HERC1: variants seen among roughly 807,000 people sequenced by gnomAD.
HERC1 encodes the protein HECT and RLD domain containing E3 ubiquitin protein ligase family member 1, also known as probable E3 ubiquitin-protein ligase HERC1.
HERC1 carries 160 observed loss-of-function variants against 554.3 expected under a neutral mutation model. The ratio of observed to expected loss-of-function variants is 0.29; its 90% CI spans 0.25 to 0.33. The LOEUF (loss-of-function observed/expected upper bound fraction) is 0.33. HERC1 is among the 10% of genes least tolerant of loss of function. The pLI, the probability that HERC1 is intolerant of heterozygous loss-of-function variation, is 1.00. For synonymous variants in HERC1, 2,175 were observed against 2,131.7 expected (o/e 1.02, Z -0.56); for missense variants, 4,919 against 5,918.5 (o/e 0.83, Z 5.54).
At chr15:63,824,946 G>A (rs922546151) in intron 1 of HERC1, among the ~76,000 whole-genome samples, 5 of 151,986 alleles carry the variant, frequency 3.3e-5, no homozygotes, top group African/African-American at 1.2e-4. Flanking sequence ...TAGGAGAGTA[G>A]GGGAGATGCA....
At chr15:63,800,689 T>C (rs1027355739) in intron 1 of HERC1, among the ~76,000 whole-genome samples, 2 of 152,248 alleles carry the variant, frequency 1.3e-5, no homozygotes, top group African/African-American at 2.4e-5. Context: ...ATATAATTTG[T>C]GCGATTTGTT....
At chr15:63,674,045 C>T (rs1468770226) in intron 38 of HERC1, among the ~76,000 whole-genome samples, 1 of 152,048 alleles carries the variant, frequency 6.6e-6, no homozygotes, top group East Asian at 1.9e-4. Context: ...TATTTTGAGT[C>T]AGATCAATAA....
At position 63,712,829 on chromosome 15, in the gene HERC1, C is replaced by G. The variant is rs371768176; in HGVS notation, c.4530G>C (p.Ser1510=). 4 of 1,613,590 alleles carry G rather than the reference C, an allele frequency of 2.5e-6. No individual in the cohort carries two copies. The highest frequency in any genetic ancestry group is 3.4e-6 in the Non-Finnish European group (4 of 1,179,648). Residue 1510 remains serine, a synonymous_variant, in exon 24 of 78, where the codon TCG becomes TCC. Coordinates refer to ENST00000443617, the MANE Select transcript of HERC1 (RefSeq NM_003922.4). ...HTSPNYRLIK[S]RSESDLSQPE... is the part of the protein sequence containing the mutation. ...GCTGAGACAAATCAGATTCACTCCTCGATTTGATCAGTCTATAATTTGGGC... is the reference window on the plus strand; with the variant it reads ...GCTGAGACAAATCAGATTCACTCCTGGATTTGATCAGTCTATAATTTGGGC...
rs143131927 is a variant in HERC1 at position 63,830,242 on chromosome 15, C to T, written c.-27+3585G>A. Among the ~76,000 whole-genome samples the T allele has an allele frequency of 9.3e-4, 141 of 152,278 alleles. 1 individual carries two copies. Among genetic ancestry groups the T allele is most frequent in the African/African-American group, 3.3e-3 (136 of 41,552 alleles). On this transcript the variant is annotated intron_variant, in intron 1 of 77. Coordinates refer to ENST00000443617, the MANE Select transcript of HERC1 (RefSeq NM_003922.4). ...CTAAGGGTTCAAAGTTAAAATACCA[C>T]TAGCAAAAAGACATGTCAACACCAT...
At chr15:63,701,999 T>A (rs1015179443) in intron 25 of HERC1, among the ~76,000 whole-genome samples, 2 of 152,114 alleles carry the variant, frequency 1.3e-5, no homozygotes, top group African/African-American at 4.8e-5. Flanking sequence ...CAACAAAAAA[T>A]TTTTGAGATT....
intron 14 of HERC1, among the ~76,000 whole-genome samples, chr15:63,730,262 A>G (rs2074234407): frequency 6.6e-6 from 1 of 151,766 alleles, no homozygotes; most frequent in African/African-American, 2.4e-5. Flanking sequence ...CAAGACCAGC[A>G]TGGGCAACAC....
At chr15:63,682,022 G>C (rs1390069586) in intron 34 of HERC1, among the ~76,000 whole-genome samples, 1 of 152,156 alleles carries the variant, frequency 6.6e-6, no homozygotes, top group East Asian at 1.9e-4. Context: ...GGGTGGTCTT[G>C]GGGACTCATG....
At chr15:63,637,770 A>T in intron 63 of HERC1, 127 bp from the exon 64 acceptor site, 2 of 595,766 alleles carry the variant, frequency 3.4e-6, no homozygotes, top group Non-Finnish European at 5.5e-6. Flanking sequence ...ACTGAAAGGG[A>T]AGAGTTGATA....
At chr15:63,789,091 T>G (rs1213781874) in intron 1 of HERC1, among the ~76,000 whole-genome samples, 12 of 118,830 alleles carry the variant, frequency 1.0e-4, no homozygotes, top group East Asian at 5.1e-4. Context: ...TTTTTTTTTT[T>G]TTTTTTTTTT....
At chr15:63,609,437 C>T (rs796802505) in intron 77 of HERC1, among the ~76,000 whole-genome samples, 171 bp from the exon 78 acceptor site, 68 of 152,342 alleles carry the variant, frequency 4.5e-4, no homozygotes, top group African/African-American at 1.4e-3. Flanking sequence ...CCTACTGCCC[C>T]GTGGCCCTCG....
At position 63,733,044 on chromosome 15, in the gene HERC1, A is replaced by G. The variant is rs755954554; in HGVS notation, c.2748T>C (p.Ser916=). The G allele has an allele frequency of 9.3e-6, 15 of 1,613,902 alleles. No individual in the cohort carries two copies. The South Asian group carries it at 1.5e-4, about 17-fold the overall frequency. Residue 916 remains serine (S), a synonymous_variant, in exon 14 of 78, where the codon TCT becomes TCC. Coordinates refer to ENST00000443617, the MANE Select transcript of HERC1 (RefSeq NM_003922.4). The part of the protein sequence containing the change: ...SSPSDAADLS[S]VCTGYGNLSD... Reference sequence around the variant, plus strand: ...ACAGATTTCCGTAGCCAGTACACACAGAAGATAGGTCAGCAGCATCAGAGG... The same window carrying G: ...ACAGATTTCCGTAGCCAGTACACACGGAAGATAGGTCAGCAGCATCAGAGG...
At chr15:63,659,602 A>C in intron 47 of HERC1, 134 bp downstream of exon 47, 1 of 691,746 alleles carries the variant, frequency 1.4e-6, no homozygotes, top group Non-Finnish European at 2.4e-6. Flanking sequence ...AACTGGCTAA[A>C]GAGACTTGTT....
At chr15:63,739,230 T>C (rs7169217) in intron 12 of HERC1, among the ~76,000 whole-genome samples, 66,558 of 139,580 alleles carry the variant, frequency 0.48, 16,856 homozygotes, top group Non-Finnish European at 0.55. Flanking sequence ...TGGAGACTCG[T>C]TCTGTTGCCC....
In HERC1 at chr15:63,726,168, G is replaced by C. The variant is rs1210406176; in HGVS notation, c.3347-655C>G. Among the ~76,000 whole-genome samples, 3 of 152,142 alleles carry C rather than the reference G, an allele frequency of 2.0e-5. No individual in the cohort carries two copies. The East Asian group carries it at 5.8e-4, about 29-fold the overall frequency. On this transcript the variant is annotated intron_variant, in intron 17 of 77. Coordinates refer to ENST00000443617, the MANE Select transcript of HERC1 (RefSeq NM_003922.4). ...GGCTAATTTTTGTATTTTTAGTAGA[G>C]ATGGGGTTTCACCATGTTGGCCAGG...
chr15:63,826,158 G>C (rs1425351293), intron 1 of HERC1, among the ~76,000 whole-genome samples: 1 of 152,166 alleles, frequency 6.6e-6, no homozygotes, highest in African/African-American at 2.4e-5. Context: ...AGCACCTGGA[G>C]CAGCACTCTT....
intron 66 of HERC1, among the ~76,000 whole-genome samples, chr15:63,634,218 T>C (rs2152814243): frequency 6.6e-6 from 1 of 152,316 alleles, no homozygotes; most frequent in African/African-American, 2.4e-5. Context: ...ATAATCAGTA[T>C]GAAAGATAGA....
chr15:63,747,493 C>T lies in HERC1; in HGVS notation c.2354+231G>A, dbSNP rs555076433. 9.2e-5 allele frequency among the ~76,000 whole-genome samples: 14 copies of T among 152,016 alleles called. No individual in the cohort carries two copies. The East Asian group carries it at 2.3e-3, about 25-fold the overall frequency. On this transcript the variant is annotated intron_variant, in intron 11 of 77. Transcript: ENST00000443617. ...AAAAATTTTGTCAAGTCATGAACAA[C>T]AGTAATTTTTAAAACATGATTTGTG...
chr15:63,794,662 C>T (rs981978641), intron 1 of HERC1, among the ~76,000 whole-genome samples: 1 of 152,106 alleles, frequency 6.6e-6, no homozygotes, highest in African/African-American at 2.4e-5. Flanking sequence ...ATATATTTTA[C>T]AATATCTCAC....
intron 14 of HERC1, among the ~76,000 whole-genome samples, chr15:63,731,487 T>C (rs8039113): frequency 0.011 from 1,652 of 152,288 alleles, 28 homozygotes; most frequent in African/African-American, 0.038. Context: ...CCTTATAACT[T>C]TGGGAAAAAT....
Sources: gnomAD v4.1 joint callset for allele counts (sites outside exome capture counted in the v4.1 genomes callset) on GRCh38, gnomAD v4.1.1 for gene constraint, MANE v1.5 for transcripts, NCBI Gene and HGNC (gene_info 2026-07-23, HGNC 2026-07-21) for gene names.